The following MYOM2 variants were observed in gnomAD, a reference collection of about 807,000 sequenced individuals.
MYOM2 encodes myomesin 2.
A neutral mutation model predicts 187.6 loss-of-function variants in MYOM2; 254 were observed. The ratio of observed to expected loss-of-function variants is 1.35; its 90% CI spans 1.22 to 1.50. The LOEUF is 1.50. MYOM2 is among the 40% of genes most tolerant of loss of function. The probability of loss-of-function intolerance (pLI) is 0.00; values close to 1 mark genes in which losing one functional copy is unlikely to be tolerated. For synonymous variants in MYOM2, 981 were observed against 753.8 expected (o/e 1.30, Z -4.94); for missense variants, 2,796 against 1,924.0 (o/e 1.45, Z -8.48).
intron 14 of MYOM2, among the ~76,000 whole-genome samples, chr8:2,086,841 T>A (rs564015852): frequency 4.0e-4 from 61 of 152,314 alleles, no homozygotes; most frequent in Non-Finnish European, 7.4e-4. Context: ...ATGGCCATGC[T>A]TGTGCACAAG....
chr8:2,101,563 C>T (rs1265483434), intron 20 of MYOM2, among the ~76,000 whole-genome samples: 1 of 152,172 alleles, frequency 6.6e-6, no homozygotes, highest in Non-Finnish European at 1.5e-5. Flanking sequence ...GATGACAGAA[C>T]AGTGCCTTGA....
chr8:2,080,029 T>A (rs6558595), intron 13 of MYOM2, among the ~76,000 whole-genome samples: 2 of 152,082 alleles, frequency 1.3e-5, no homozygotes, highest in African/African-American at 4.8e-5. Context: ...TTAACTGAAA[T>A]GGATTGAGTC....
intron 2 of MYOM2, 73 bp downstream of exon 2, chr8:2,050,946 T>G (rs1268495376): frequency 1.6e-6 from 2 of 1,216,248 alleles, no homozygotes; most frequent in Non-Finnish European, 1.2e-6. Context: ...GCTTTTCCAG[T>G]TCCGTCAGCC....
chr8:2,120,614 T>C (rs1016771338), intron 28 of MYOM2, among the ~76,000 whole-genome samples: 12 of 109,822 alleles, frequency 1.1e-4, no homozygotes, highest in Admixed American at 6.8e-4. Context: ...CTTACTATTC[T>C]GACCATCCTC....
chr8:2,076,405 C>A lies in MYOM2; in HGVS notation c.1262+123C>A, dbSNP rs571749808. ...CCCATTTTTTGATTGGCTCTAGGTA[C>A]ATGGCTAATTGGTTGTATAAGTTCC... is the stretch of plus-strand genomic sequence containing the variant. On this transcript the variant is annotated intron_variant, in intron 11 of 36. Coordinates refer to ENST00000262113, the MANE Select transcript of MYOM2 (RefSeq NM_003970.4). 15 of 1,261,436 alleles carry A rather than the reference C, an allele frequency of 1.2e-5. No homozygotes were observed. In the South Asian group the frequency reaches 2.4e-4, roughly 20 times the overall value. The allele number at this position is 1,261,436 out of a possible 1,614,324, so 78.1% of individuals were successfully genotyped here.
chr8:2,103,060 G>A (rs935726166), intron 21 of MYOM2, among the ~76,000 whole-genome samples: 1 of 151,882 alleles, frequency 6.6e-6, no homozygotes, highest in East Asian at 1.9e-4. Context: ...GAGTGTGCAT[G>A]TATTATGTGT....
rs752039474 is a variant in MYOM2, at chr8:2,072,338, T to C, written c.794-7T>C. 11 of 1,612,448 alleles carry C rather than the reference T, an allele frequency of 6.8e-6. No individual in the cohort carries two copies. The East Asian group carries it at 2.2e-4, about 33-fold the overall frequency. On this transcript the variant is annotated splice_region_variant and splice_polypyrimidine_tract_variant and intron_variant, in intron 8 of 36. Transcript: ENST00000262113. ...CGGCCCTGAAAGCCTCCATCGTTTC[T>C]GTGCAGTGCCCCTGTCATCGATGAT...
chr8:2,139,626 C>A (rs1798206504), intron 32 of MYOM2, among the ~76,000 whole-genome samples: 1 of 152,140 alleles, frequency 6.6e-6, no homozygotes, highest in African/African-American at 2.4e-5. Context: ...TGCAACTGAC[C>A]CAGCCTGCTT....
intron 28 of MYOM2, among the ~76,000 whole-genome samples, chr8:2,119,700 C>T (rs1205492793): frequency 1.3e-5 from 2 of 152,190 alleles, no homozygotes; most frequent in South Asian, 2.1e-4. Context: ...TGGATGGAGA[C>T]GCTCAATCCT....
intron 6 of MYOM2, among the ~76,000 whole-genome samples, chr8:2,064,401 G>A (rs778925168): frequency 2.0e-5 from 3 of 152,232 alleles, no homozygotes; most frequent in African/African-American, 7.2e-5. Flanking sequence ...GGGGGTGACC[G>A]CGAGCTCCTT....
At chr8:2,109,214 G>A in intron 24 of MYOM2, 181 bp from the exon 25 acceptor site, 1 of 682,126 alleles carries the variant, frequency 1.5e-6, no homozygotes, top group Non-Finnish European at 2.3e-6. Flanking sequence ...TGAGGCTTTA[G>A]AGGCAACAAC....
At chr8:2,120,680 T>TAATATATATATAA in intron 28 of MYOM2, among the ~76,000 whole-genome samples, 2 of 48,292 alleles carry the variant, frequency 4.1e-5, no homozygotes, top group African/African-American at 6.6e-5. Flanking sequence ...ATATATTATA[T>TAATATATATATAA]TATATATAAA....
chr8:2,090,364 G>T (rs1193915777), intron 15 of MYOM2, among the ~76,000 whole-genome samples, 173 bp downstream of exon 15: 1 of 152,144 alleles, frequency 6.6e-6, no homozygotes, highest in Non-Finnish European at 1.5e-5. Flanking sequence ...GTTTTGTTTG[G>T]TTCTTGACAT....
chr8:2,101,411 C>T (rs570230897), intron 20 of MYOM2, among the ~76,000 whole-genome samples: 2 of 152,194 alleles, frequency 1.3e-5, no homozygotes, highest in African/African-American at 2.4e-5. Context: ...AAAGGTAAGT[C>T]TTTCGTCTTG....
At chr8:2,111,953 T>C (rs1393966259) in intron 25 of MYOM2, among the ~76,000 whole-genome samples, 1 of 152,248 alleles carries the variant, frequency 6.6e-6, no homozygotes, top group Non-Finnish European at 1.5e-5. Flanking sequence ...GTGATTTTTG[T>C]GTTTATGGGA....
intron 34 of MYOM2, among the ~76,000 whole-genome samples, chr8:2,141,558 A>G (rs777738200): frequency 6.6e-6 from 1 of 152,186 alleles, no homozygotes; most frequent in Non-Finnish European, 1.5e-5. Context: ...GACTAAGGGT[A>G]TTTAAGGGTT....
At chr8:2,097,860 A>T (rs1217716582) in intron 18 of MYOM2, among the ~76,000 whole-genome samples, 1 of 152,200 alleles carries the variant, frequency 6.6e-6, no homozygotes, top group Non-Finnish European at 1.5e-5. Context: ...TCTACAACAC[A>T]TTATTATGGG....
chr8:2,057,847 TAAG>T, intron 5 of MYOM2, 67 bp downstream of exon 5: 1 of 1,553,554 alleles, frequency 6.4e-7, no homozygotes, highest in Non-Finnish European at 8.8e-7. Context: ...AGACCCCAGT[TAAG>T]GAGACAAACG....
intron 18 of MYOM2, chr8:2,096,984 G>C (rs1411138656): frequency 3.4e-6 from 1 of 291,574 alleles, no homozygotes; most frequent in Non-Finnish European, 5.1e-6. Flanking sequence ...ACACCCCCTT[G>C]GCAGCCATTG....
Sources: allele counts gnomAD v4.1 joint callset (sites outside exome capture counted in the v4.1 genomes callset), GRCh38; gene constraint gnomAD v4.1.1; transcripts MANE v1.5; gene names NCBI Gene and HGNC (gene_info 2026-07-23, HGNC 2026-07-21).